Variants in OPCML observed in about 807,000 individuals in gnomAD.
The protein encoded by OPCML is opioid-binding protein/cell adhesion molecule.
Under a neutral mutation model 37.8 loss-of-function variants are expected in OPCML, and 13 were observed. The ratio of observed to expected loss-of-function variants is 0.34; its 90% CI spans 0.22 to 0.55. OPCML has a LOEUF of 0.55. Ranked by LOEUF, OPCML falls within the 20% of genes least tolerant of loss-of-function variation. OPCML has a pLI of 0.91. For synonymous variants in OPCML, 176 were observed against 168.8 expected (o/e 1.04, Z -0.33); for missense variants, 341 against 435.6 (o/e 0.78, Z 1.93).
intron 1 of OPCML, among the ~76,000 whole-genome samples, chr11:133,499,786 A>G (rs1265678043): frequency 7.0e-6 from 1 of 142,926 alleles, no homozygotes; most frequent in Non-Finnish European, 1.5e-5. Flanking sequence ...ATATATATAT[A>G]TACACATATA....
At chr11:133,113,135 A>G (rs1355872896) in intron 1 of OPCML, among the ~76,000 whole-genome samples, 1 of 152,230 alleles carries the variant, frequency 6.6e-6, no homozygotes, top group East Asian at 1.9e-4. Context: ...CTTATCATGC[A>G]AAAAAGCCAT....
At chr11:132,878,117 G>A (rs931090327) in intron 2 of OPCML, among the ~76,000 whole-genome samples, 27 of 151,788 alleles carry the variant, frequency 1.8e-4, no homozygotes, top group Admixed American at 2.6e-4. Flanking sequence ...AGGAGGCGGA[G>A]ATTGCAGTGA....
intron 1 of OPCML, among the ~76,000 whole-genome samples, chr11:133,394,091 A>G (rs2136819547): frequency 6.6e-6 from 1 of 152,188 alleles, no homozygotes; most frequent in Non-Finnish European, 1.5e-5. Flanking sequence ...CCTCTGCCCC[A>G]TGCTTAATCC....
intron 1 of OPCML, among the ~76,000 whole-genome samples, chr11:133,051,536 T>C (rs900832647): frequency 2.0e-4 from 30 of 152,076 alleles, no homozygotes; most frequent in African/African-American, 5.8e-4. Context: ...TGTTTGTTTG[T>C]TTTTTAGCCC....
At chr11:133,088,188 A>G (rs1158994919) in intron 1 of OPCML, among the ~76,000 whole-genome samples, 7 of 152,196 alleles carry the variant, frequency 4.6e-5, no homozygotes, top group Non-Finnish European at 8.8e-5. Context: ...AGTACACAAA[A>G]TAACCATGAA....
intron 1 of OPCML, among the ~76,000 whole-genome samples, chr11:133,169,265 G>C (rs1950256406): frequency 6.6e-6 from 1 of 152,208 alleles, no homozygotes. Flanking sequence ...GTCTGCATTT[G>C]AACTTAACCT....
At chr11:133,220,395 C>T (rs1039259630) in intron 1 of OPCML, among the ~76,000 whole-genome samples, 1 of 152,160 alleles carries the variant, frequency 6.6e-6, no homozygotes, top group African/African-American at 2.4e-5. Context: ...GGTTCTCATG[C>T]CAAGGTTCTG....
At chr11:132,956,197 T>C (rs1452494381) in intron 1 of OPCML, among the ~76,000 whole-genome samples, 1 of 152,144 alleles carries the variant, frequency 6.6e-6, no homozygotes, top group Non-Finnish European at 1.5e-5. Flanking sequence ...TTTGTGCCCA[T>C]ACACTACTGA....
chr11:132,549,035 C>G (rs185761484), intron 3 of OPCML, among the ~76,000 whole-genome samples: 1 of 152,080 alleles, frequency 6.6e-6, no homozygotes, highest in East Asian at 1.9e-4. Context: ...TGGTCGAGAC[C>G]TCCTGGGCTG....
At chr11:132,580,181 A>T (rs1175551341) in intron 3 of OPCML, among the ~76,000 whole-genome samples, 1 of 152,194 alleles carries the variant, frequency 6.6e-6, no homozygotes, top group East Asian at 1.9e-4. Flanking sequence ...GTGCCACCAT[A>T]GCAGCTTGGA....
intron 2 of OPCML, among the ~76,000 whole-genome samples, chr11:132,831,293 C>T (rs1940670181): frequency 1.3e-5 from 2 of 150,452 alleles, no homozygotes; most frequent in Admixed American, 1.3e-4. Flanking sequence ...TGTTTCAATG[C>T]TCATTTAGCA....
At position 133,208,012 on chromosome 11, in the gene OPCML, G is replaced by C. The variant is rs776545140; in HGVS notation, c.62-265002C>G. On this transcript the variant is annotated intron_variant, in intron 1 of 7. Transcript: ENST00000524381. The surrounding 1 kb of genome is among the most constrained non-coding windows in gnomAD (Gnocchi z 8.9). The stretch of plus-strand genomic sequence containing the variant: ...TAGCACCTCTACGCTTTGTAATTAA[G>C]AACTCAAACTGCATTTAACCACCCT... Among the ~76,000 whole-genome samples the C allele has an allele frequency of 6.6e-6, 1 of 152,054 alleles. No individual in the cohort carries two copies.
intron 1 of OPCML, among the ~76,000 whole-genome samples, chr11:132,967,051 C>CT (rs556308112): frequency 5.5e-4 from 84 of 152,094 alleles, no homozygotes; most frequent in Admixed American, 4.3e-3. Context: ...CTTAGATTTA[C>CT]TTTTTTGTTT....
chr11:132,571,610 T>C (rs2096438655), intron 3 of OPCML, among the ~76,000 whole-genome samples: 1 of 152,204 alleles, frequency 6.6e-6, no homozygotes, highest in African/African-American at 2.4e-5. Context: ...AGTTTCCTTT[T>C]TGTAACTCTG....
chr11:133,372,885 A>T (rs1374500369), intron 1 of OPCML, among the ~76,000 whole-genome samples: 2 of 152,224 alleles, frequency 1.3e-5, no homozygotes, highest in African/African-American at 2.4e-5. Context: ...ATAGATCTGC[A>T]TAAGTTATAC....
At chr11:132,638,082 G>A (rs995445536) in intron 3 of OPCML, among the ~76,000 whole-genome samples, 2 of 151,538 alleles carry the variant, frequency 1.3e-5, no homozygotes, top group African/African-American at 4.8e-5. Context: ...TTTTCTTTAA[G>A]AGGCACTACG....
chr11:132,485,093 T>C (rs2096195275), intron 4 of OPCML, among the ~76,000 whole-genome samples: 1 of 140,358 alleles, frequency 7.1e-6, no homozygotes, highest in African/African-American at 2.6e-5. Context: ...AATAATAAAA[T>C]AAAATAAAAA....
chr11:132,589,781 G>GA (rs2096481300), intron 3 of OPCML, among the ~76,000 whole-genome samples: 1 of 152,216 alleles, frequency 6.6e-6, no homozygotes, highest in South Asian at 2.1e-4. Flanking sequence ...AGTGGAGCAA[G>GA]ATGAATTGGA....
intron 3 of OPCML, among the ~76,000 whole-genome samples, chr11:132,650,025 C>T (rs546578864): frequency 3.9e-5 from 6 of 152,182 alleles, no homozygotes; most frequent in African/African-American, 1.2e-4. Flanking sequence ...ATGGCTCTTT[C>T]CTCTGTGGCC....
Sources: gnomAD v4.1 joint callset for allele counts (sites outside exome capture counted in the v4.1 genomes callset) on GRCh38, gnomAD v4.1.1 for gene constraint, Gnocchi (gnomAD v3.1) non-coding constraint, MANE v1.5 for transcripts, NCBI Gene and HGNC (gene_info 2026-07-23, HGNC 2026-07-21) for gene names.